HDAC9: variants seen among roughly 807,000 people sequenced by gnomAD.
The protein encoded by HDAC9 is MEF-2 interacting transcription repressor (MITR) protein.
HDAC9 carries 41 observed loss-of-function variants against 139.4 expected under a neutral mutation model. The observed-to-expected ratio is 0.29, with a 90% CI of 0.23 to 0.38. The LOEUF (loss-of-function observed/expected upper bound fraction) is 0.38. Ranked by LOEUF, HDAC9 falls within the 10% of genes least tolerant of loss-of-function variation. The pLI is 1.00. For synonymous variants in HDAC9, 517 were observed against 476.2 expected (o/e 1.09, Z -1.12); for missense variants, 1,147 against 1,297.0 (o/e 0.88, Z 1.78).
chr7:18,942,737 A>G (rs372914183), intron 23 of HDAC9, among the ~76,000 whole-genome samples: 1 of 152,042 alleles, frequency 6.6e-6, no homozygotes, highest in African/African-American at 2.4e-5. Flanking sequence ...TAAGTTTAAT[A>G]ACATCACGTT....
At chr7:18,822,096 C>G (rs1795017628) in intron 17 of HDAC9, among the ~76,000 whole-genome samples, 1 of 152,142 alleles carries the variant, frequency 6.6e-6, no homozygotes. Flanking sequence ...GAGGTTCCAT[C>G]ACATGGGCAA....
At chr7:18,805,002 C>A (rs1196882582) in intron 17 of HDAC9, among the ~76,000 whole-genome samples, 2 of 152,146 alleles carry the variant, frequency 1.3e-5, no homozygotes. Flanking sequence ...TGCCACGTTG[C>A]CCAGGCTGGT....
intron 23 of HDAC9, 114 bp downstream of exon 23, chr7:18,936,056 C>CTTCTTTCTTA: frequency 1.0e-6 from 1 of 982,182 alleles, no homozygotes; most frequent in Non-Finnish European, 1.5e-6. Context: ...TTGCTCTTAC[C>CTTCTTTCTTA]ATTAAGAAAG....
chr7:18,777,684 T>A (rs944352873), intron 16 of HDAC9, among the ~76,000 whole-genome samples: 1 of 152,034 alleles, frequency 6.6e-6, no homozygotes, highest in Non-Finnish European at 1.5e-5. Context: ...TTTAGGATTA[T>A]GCTTTAACCA....
chr7:18,284,829 C>A (rs761465700), intron 2 of HDAC9, among the ~76,000 whole-genome samples: 2 of 151,994 alleles, frequency 1.3e-5, no homozygotes, highest in Non-Finnish European at 2.9e-5. Context: ...TTACTGTTGT[C>A]CCAGGTAAAA....
intron 2 of HDAC9, among the ~76,000 whole-genome samples, chr7:18,255,625 C>CT (rs1449259332): frequency 3.9e-5 from 4 of 101,278 alleles, no homozygotes; most frequent in Non-Finnish European, 4.1e-5. Flanking sequence ...CTTTTTCTTT[C>CT]CTTTTTTTTT....
intron 2 of HDAC9, among the ~76,000 whole-genome samples, chr7:18,231,344 C>T (rs1312260339): frequency 6.6e-6 from 1 of 152,184 alleles, no homozygotes; most frequent in Non-Finnish European, 1.5e-5. Flanking sequence ...GTGGCATCTG[C>T]GTTTCTCCCC....
intron 1 of HDAC9, among the ~76,000 whole-genome samples, chr7:18,392,692 T>C (rs1161505869): frequency 1.3e-5 from 2 of 152,012 alleles, no homozygotes; most frequent in African/African-American, 4.8e-5. Context: ...TTTTACCTTG[T>C]CATCAACAAA....
chr7:18,470,136 G>A (rs1389166553), intron 1 of HDAC9, among the ~76,000 whole-genome samples: 5 of 151,940 alleles, frequency 3.3e-5, no homozygotes. Flanking sequence ...CCAGGAGTTC[G>A]AGACCCTGTC....
At chr7:18,525,788 C>T (rs1056504952) in intron 2 of HDAC9, among the ~76,000 whole-genome samples, 1 of 152,046 alleles carries the variant, frequency 6.6e-6, no homozygotes, top group African/African-American at 2.4e-5. Flanking sequence ...TATATCTGTT[C>T]CCTGGAACTT....
In HDAC9 at chr7:18,123,312, C is replaced by A. The variant is rs564117986; in HGVS notation, c.-97+36099C>A. The stretch of plus-strand genomic sequence containing the variant: ...ATTTTTGCAGCTGATAACTCAGTTT[C>A]ATGCCTAAGTATTTTAATTATAAAC... On this transcript the variant is annotated intron_variant, in intron 1 of 12. Coordinates refer to the HDAC9 transcript ENST00000417496. 2.6e-5 allele frequency among the ~76,000 whole-genome samples: 4 copies of A among 152,290 alleles called. No homozygotes were observed. In the South Asian group the frequency reaches 6.2e-4, roughly 24 times the overall value.
At chr7:18,193,823 C>A (rs1790536193) in intron 2 of HDAC9, among the ~76,000 whole-genome samples, 1 of 152,154 alleles carries the variant, frequency 6.6e-6, no homozygotes. Context: ...GTCTTTCCCA[C>A]CTTGTTAGGC....
intron 1 of HDAC9, among the ~76,000 whole-genome samples, chr7:18,427,991 C>T (rs1320376283): frequency 6.6e-6 from 1 of 152,072 alleles, no homozygotes; most frequent in African/African-American, 2.4e-5. Flanking sequence ...CAGTATGTGT[C>T]CTTCTGTGAC....
At chr7:18,855,406 T>C (rs776486868) in intron 21 of HDAC9, among the ~76,000 whole-genome samples, 16 of 152,090 alleles carry the variant, frequency 1.1e-4, no homozygotes, top group Non-Finnish European at 2.4e-4. Context: ...TGTTATTTTA[T>C]TATTTTTTAT....
chr7:18,411,364 A>G (rs1421476910), intron 1 of HDAC9, among the ~76,000 whole-genome samples: 1 of 152,192 alleles, frequency 6.6e-6, no homozygotes, highest in Non-Finnish European at 1.5e-5. Flanking sequence ...AATAAATTAC[A>G]TGAAATATTA....
intron 24 of HDAC9, among the ~76,000 whole-genome samples, chr7:18,957,810 G>A (rs189146945): frequency 6.6e-6 from 1 of 152,032 alleles, no homozygotes; most frequent in African/African-American, 2.4e-5. Flanking sequence ...AACTTTAGGG[G>A]GTGTTCAGAT....
Position 18,587,187 on chromosome 7 carries a change from G to T in HDAC9, c.264+1665G>T, listed in dbSNP as rs969822031. Among the ~76,000 whole-genome samples, 4 of 152,126 alleles carry T rather than the reference G, an allele frequency of 2.6e-5. No homozygotes were observed. The East Asian group carries it at 7.7e-4, about 29-fold the overall frequency. On this transcript the variant is annotated intron_variant, in intron 3 of 25. Transcript: ENST00000686413. ...TAAATTGTTTAGAAAGAAATTTATT[G>T]CTTAATTTTACTCAAAAGGTAATAG...
Position 18,176,787 on chromosome 7 carries a change from C to T in HDAC9, c.25+14438C>T, listed in dbSNP as rs79924149. On this transcript the variant is annotated intron_variant, in intron 2 of 12. Transcript: ENST00000417496. ...ATGTTATTTTTTAATGCATTTTTAT[C>T]CTTTTGTCTGTATTATTGTGCTTCC... is the stretch of plus-strand genomic sequence containing the variant. Among the ~76,000 whole-genome samples the T allele has an allele frequency of 6.8e-3, 1,036 of 152,100 alleles. 13 individuals are homozygous for T. The highest frequency in any genetic ancestry group is 0.024 in the African/African-American group (1,003 of 41,494).
chr7:18,987,910 G>T (rs1480204723), intron 25 of HDAC9, among the ~76,000 whole-genome samples: 4 of 152,076 alleles, frequency 2.6e-5, no homozygotes, highest in African/African-American at 4.8e-5. Flanking sequence ...GATCGGTGGT[G>T]ATATCCTCTT....
Sources: allele counts gnomAD v4.1 joint callset (sites outside exome capture counted in the v4.1 genomes callset), GRCh38; gene constraint gnomAD v4.1.1; transcripts MANE v1.5; gene names NCBI Gene and HGNC (gene_info 2026-07-23, HGNC 2026-07-21).